ZC3H12B: variants seen among roughly 807,000 people sequenced by gnomAD.
ZC3H12B encodes the protein zinc finger CCCH-type containing 12B.
Under a neutral mutation model 43.9 loss-of-function variants are expected in ZC3H12B, and 7 were observed. The ratio of observed to expected loss-of-function variants is 0.16; its 90% CI spans 0.09 to 0.30. The LOEUF is 0.30. ZC3H12B is among the 10% of genes least tolerant of loss of function. ZC3H12B has a pLI of 1.00. For synonymous variants in ZC3H12B, 222 were observed against 241.7 expected, an observed-to-expected ratio of 0.92 and a Z score of 0.76; for missense variants, 475 against 670.2, an observed-to-expected ratio of 0.71 and a Z score of 3.22.
At chrX:65,075,068 A>G in the ZC3H12B span, among the ~76,000 whole-genome samples, 40 of 112,214 alleles carry the variant, frequency 3.6e-4, 1 homozygote, top group Non-Finnish European at 1.1e-4. Flanking sequence ...AAATCTTTAT[A>G]GATTGGCTTT....
At chrX:65,224,787 G>A in the ZC3H12B span, among the ~76,000 whole-genome samples, 3 of 111,922 alleles carry the variant, frequency 2.7e-5, no homozygotes, top group Non-Finnish European at 5.6e-5. Flanking sequence ...ACAACAGTCT[G>A]AGATCAAACT....
the ZC3H12B span, among the ~76,000 whole-genome samples, chrX:65,355,948 C>T: frequency 8.9e-6 from 1 of 112,118 alleles, no homozygotes; most frequent in Non-Finnish European, 1.9e-5. Flanking sequence ...GAGCAAGATT[C>T]TGTCTCAAAA....
At chrX:65,083,990 T>C in the ZC3H12B span, among the ~76,000 whole-genome samples, 3 of 111,507 alleles carry the variant, frequency 2.7e-5, no homozygotes, top group Admixed American at 1.9e-4. Flanking sequence ...ACAAAGATGC[T>C]AAGAACATAC....
the ZC3H12B span, among the ~76,000 whole-genome samples, chrX:65,100,311 T>C: frequency 9.2e-6 from 1 of 109,226 alleles, no homozygotes; most frequent in African/African-American, 3.4e-5. Flanking sequence ...TTAAATACAC[T>C]TCAGGATATT....
At chrX:65,450,030 G>C (rs1307335716) in intron 3 of ZC3H12B, among the ~76,000 whole-genome samples, 1 of 110,249 alleles carries the variant, frequency 9.1e-6, no homozygotes, top group Non-Finnish European at 1.9e-5. Flanking sequence ...TTTTAGGCTG[G>C]GCGTGGTAAC....
chrX:65,324,335 A>G, the ZC3H12B span, among the ~76,000 whole-genome samples: 3 of 111,595 alleles, frequency 2.7e-5, no homozygotes, highest in African/African-American at 9.8e-5. Context: ...CAGGTTTTGC[A>G]TTTAAGTCTT....
At chrX:65,458,312 T>G (rs780466885) in intron 3 of ZC3H12B, among the ~76,000 whole-genome samples, 6 of 109,960 alleles carry the variant, frequency 5.5e-5, no homozygotes, top group Admixed American at 4.9e-4. Flanking sequence ...AGACAGAAAG[T>G]TAACAAGGAT....
the ZC3H12B span, among the ~76,000 whole-genome samples, chrX:65,327,003 G>A: frequency 9.0e-6 from 1 of 111,290 alleles, no homozygotes; most frequent in Non-Finnish European, 1.9e-5. Context: ...AGAGAAAAGG[G>A]AAACCTTGTA....
chrX:65,379,095 T>G (rs1265765634), intron 2 of ZC3H12B, among the ~76,000 whole-genome samples: 5 of 111,702 alleles, frequency 4.5e-5, no homozygotes, highest in African/African-American at 1.6e-4. Flanking sequence ...TCGAACTGGG[T>G]GGAGCCTGCC....
At chrX:65,119,410 G>T in the ZC3H12B span, among the ~76,000 whole-genome samples, 2 of 112,060 alleles carry the variant, frequency 1.8e-5, no homozygotes, top group Non-Finnish European at 3.8e-5. Context: ...GTGATGATGA[G>T]CATTTTTTCA....
intron 2 of ZC3H12B, among the ~76,000 whole-genome samples, chrX:65,390,103 G>T (rs958879052): frequency 8.9e-6 from 1 of 111,835 alleles, no homozygotes; most frequent in South Asian, 3.7e-4. Flanking sequence ...CATGTCCTTT[G>T]TAGGGACATG....
the ZC3H12B span, among the ~76,000 whole-genome samples, chrX:65,144,869 G>C: frequency 9.0e-6 from 1 of 111,558 alleles, no homozygotes; most frequent in Non-Finnish European, 1.9e-5. Flanking sequence ...AGTGTATTCA[G>C]GTTTGTTTTG....
At chrX:65,230,565 G>T in the ZC3H12B span, among the ~76,000 whole-genome samples, 1 of 101,363 alleles carries the variant, frequency 9.9e-6, no homozygotes, top group Non-Finnish European at 2.0e-5. Flanking sequence ...GAAATCACCA[G>T]TAAAGGACTT....
chrX:65,451,915 G>C (rs902189554), intron 3 of ZC3H12B, among the ~76,000 whole-genome samples: 9 of 112,015 alleles, frequency 8.0e-5, no homozygotes, highest in Non-Finnish European at 1.7e-4. Flanking sequence ...AAGCCACTGA[G>C]CTGCTGCTGC....
At chrX:65,337,864 C>T in the ZC3H12B span, among the ~76,000 whole-genome samples, 2 of 112,464 alleles carry the variant, frequency 1.8e-5, no homozygotes, top group East Asian at 5.6e-4. Flanking sequence ...GTCTTCACAA[C>T]AATCCTTAGT....
At chrX:65,355,242 C>T in the ZC3H12B span, among the ~76,000 whole-genome samples, 1 of 111,426 alleles carries the variant, frequency 9.0e-6, no homozygotes, top group Admixed American at 9.6e-5. Flanking sequence ...AAGGGAAGCC[C>T]ATCAGACTAA....
the ZC3H12B span, chrX:65,271,215 T>A: frequency 1.8e-5 from 2 of 112,096 alleles, no homozygotes; most frequent in Non-Finnish European, 3.8e-5. Flanking sequence ...GGATCTCTCT[T>A]ATATTCTTAT....
chrX:65,269,569 G>A, the ZC3H12B span, among the ~76,000 whole-genome samples: 1 of 110,534 alleles, frequency 9.0e-6, no homozygotes, highest in Admixed American at 9.6e-5. Context: ...ATGTGATTAT[G>A]ACTTACTGTA....
chrX:65,470,525 C>G (rs2067896453), intron 3 of ZC3H12B: 1 of 110,949 alleles, frequency 9.0e-6, no homozygotes, highest in Non-Finnish European at 1.9e-5. Context: ...GCACCCGCCC[C>G]CTCCTCAACT....
Sources: gnomAD v4.1 joint callset for allele counts (sites outside exome capture counted in the v4.1 genomes callset) on GRCh38, gnomAD v4.1.1 for gene constraint, MANE v1.5 for transcripts, NCBI Gene and HGNC (gene_info 2026-07-23, HGNC 2026-07-21) for gene names.